Variants in ZMAT4 observed in about 807,000 individuals in gnomAD.
ZMAT4 encodes the protein zinc finger matrin-type protein 4.
A neutral mutation model predicts 28.7 loss-of-function variants in ZMAT4; 17 were observed. The ratio of observed to expected loss-of-function variants is 0.59; its 90% CI spans 0.41 to 0.89. The LOEUF is 0.89. Among genes scored for constraint, ZMAT4 ranks in the 40% least tolerant of loss-of-function variants. The pLI is 0.00. For missense variants in ZMAT4, 240 were observed against 283.8 expected (o/e 0.85, Z 1.11); for synonymous variants, 117 against 109.2 (o/e 1.07, Z -0.44).
intron 2 of ZMAT4, among the ~76,000 whole-genome samples, chr8:40,803,710 A>T (rs1436859732): frequency 6.6e-6 from 1 of 152,200 alleles, no homozygotes; most frequent in Non-Finnish European, 1.5e-5. Context: ...CATATAATCC[A>T]GAAATCACAC....
intron 6 of ZMAT4, among the ~76,000 whole-genome samples, chr8:40,569,120 C>G (rs1048764261): frequency 6.6e-6 from 1 of 152,044 alleles, no homozygotes; most frequent in African/African-American, 2.4e-5. Flanking sequence ...TAATTCACAC[C>G]ACCACTCCAG....
chr8:40,878,447 AG>A (rs748484525), intron 1 of ZMAT4, among the ~76,000 whole-genome samples: 28 of 152,252 alleles, frequency 1.8e-4, no homozygotes, highest in Non-Finnish European at 3.2e-4. Context: ...TCCTATTTTC[AG>A]TAAAACCAAT....
At chr8:40,790,859 A>G (rs34264245) in intron 2 of ZMAT4, among the ~76,000 whole-genome samples, 40,064 of 152,074 alleles carry the variant, frequency 0.26, 5,470 homozygotes, top group East Asian at 0.34. Context: ...AGAGATAGAG[A>G]ACTTACACTA....
At chr8:40,668,676 T>G (rs1239692567) in intron 5 of ZMAT4, among the ~76,000 whole-genome samples, 1 of 151,970 alleles carries the variant, frequency 6.6e-6, no homozygotes, top group African/African-American at 2.4e-5. Context: ...CAGTCAGGTT[T>G]ATGATCAGGA....
intron 6 of ZMAT4, among the ~76,000 whole-genome samples, chr8:40,547,810 T>G (rs1218361152): frequency 6.6e-6 from 1 of 152,202 alleles, no homozygotes; most frequent in Non-Finnish European, 1.5e-5. Flanking sequence ...CCACACTTTA[T>G]ATTTAATATG....
At chr8:40,582,150 T>A (rs1804484384) in intron 5 of ZMAT4, among the ~76,000 whole-genome samples, 1 of 152,200 alleles carries the variant, frequency 6.6e-6, no homozygotes, top group African/African-American at 2.4e-5. Flanking sequence ...ATGAAATTTC[T>A]AGCCTCAGTT....
chr8:40,564,180 G>A (rs563953880), intron 6 of ZMAT4, among the ~76,000 whole-genome samples: 43 of 152,260 alleles, frequency 2.8e-4, no homozygotes, highest in East Asian at 2.3e-3. Context: ...GCTGGAGAAC[G>A]CAAAGAAATC....
chr8:40,675,638 G>A (rs888733891), intron 4 of ZMAT4, among the ~76,000 whole-genome samples: 1 of 152,158 alleles, frequency 6.6e-6, no homozygotes, highest in Non-Finnish European at 1.5e-5. Context: ...CCGAATGAAT[G>A]AATTGGACGT....
intron 3 of ZMAT4, among the ~76,000 whole-genome samples, chr8:40,710,143 A>G (rs1484160480): frequency 1.3e-5 from 2 of 152,120 alleles, no homozygotes; most frequent in Non-Finnish European, 1.5e-5. Context: ...GATAAAGTAC[A>G]GTGTATAATG....
chr8:40,746,230 TCCCTCCCTCCCTCCCTCCC>T (rs1812210887), intron 3 of ZMAT4, among the ~76,000 whole-genome samples: 4 of 10,008 alleles, frequency 4.0e-4, no homozygotes, highest in African/African-American at 8.6e-4. Flanking sequence ...CTTCCCTCCC[TCCCTCCCTCCCTCCCTCCC>T]TCCCTCCCTC....
intron 1 of ZMAT4, among the ~76,000 whole-genome samples, chr8:40,882,657 C>T (rs1210164788): frequency 6.6e-6 from 1 of 152,202 alleles, no homozygotes; most frequent in Non-Finnish European, 1.5e-5. Flanking sequence ...TCCTGGAACA[C>T]TTTGTATGTT....
chr8:40,716,458 G>A (rs553717923), intron 3 of ZMAT4, among the ~76,000 whole-genome samples: 14 of 152,232 alleles, frequency 9.2e-5, no homozygotes, highest in African/African-American at 3.1e-4. Flanking sequence ...TTGGGAGGCC[G>A]AGGCAGGCAG....
chr8:40,764,018 C>A (rs1473419723), intron 3 of ZMAT4, among the ~76,000 whole-genome samples: 1 of 152,012 alleles, frequency 6.6e-6, no homozygotes, highest in African/African-American at 2.4e-5. Flanking sequence ...AACTAAATCA[C>A]CTTTTTTACT....
At chr8:40,824,951 A>G (rs1397856037) in intron 2 of ZMAT4, among the ~76,000 whole-genome samples, 1 of 152,142 alleles carries the variant, frequency 6.6e-6, no homozygotes, top group Non-Finnish European at 1.5e-5. Context: ...TCTGCTCCCA[A>G]TAGAGGATCA....
chr8:40,821,831 C>T (rs1486085206), intron 2 of ZMAT4, among the ~76,000 whole-genome samples: 1 of 152,124 alleles, frequency 6.6e-6, no homozygotes, highest in East Asian at 1.9e-4. Context: ...ATATCCTGAC[C>T]CCATCCTTTC....
At chr8:40,805,084 A>G (rs1302937471) in intron 2 of ZMAT4, among the ~76,000 whole-genome samples, 2 of 151,800 alleles carry the variant, frequency 1.3e-5, no homozygotes, top group African/African-American at 4.8e-5. Context: ...TCTACAATGA[A>G]CTCAAACAAA....
At chr8:40,629,010 T>TC (rs1041396372) in intron 5 of ZMAT4, among the ~76,000 whole-genome samples, 3 of 150,724 alleles carry the variant, frequency 2.0e-5, no homozygotes, top group South Asian at 2.1e-4. Flanking sequence ...TTCTTTTCTT[T>TC]TTTTTTTTTT....
At chr8:40,777,323 G>T (rs1299683127) in intron 2 of ZMAT4, among the ~76,000 whole-genome samples, 1 of 152,216 alleles carries the variant, frequency 6.6e-6, no homozygotes, top group East Asian at 1.9e-4. Flanking sequence ...GGGGAGAGGG[G>T]ACATTTTGTC....
At chr8:40,680,825 A>G (rs890011397) in intron 4 of ZMAT4, among the ~76,000 whole-genome samples, 8 of 150,188 alleles carry the variant, frequency 5.3e-5, no homozygotes, top group Non-Finnish European at 1.0e-4. Flanking sequence ...CTCCTCTTTT[A>G]TCTCCCTTTT....
Sources: gnomAD v4.1 joint callset for allele counts (sites outside exome capture counted in the v4.1 genomes callset) on GRCh38, gnomAD v4.1.1 for gene constraint, MANE v1.5 for transcripts, NCBI Gene and HGNC (gene_info 2026-07-23, HGNC 2026-07-21) for gene names.